The following MRC2 variants were observed in gnomAD, a reference collection of about 807,000 sequenced individuals.
The protein encoded by MRC2 is mannose receptor C-type 2, also known as C-type mannose receptor 2.
In MRC2, 84 loss-of-function variants were observed where a neutral mutation model predicts 206.2. The ratio of observed to expected loss-of-function variants is 0.41; its 90% CI spans 0.34 to 0.49. MRC2 has a LOEUF of 0.49. Ranked by LOEUF, MRC2 falls within the 20% of genes least tolerant of loss-of-function variation. MRC2 has a pLI of 0.31. For synonymous variants in MRC2, 798 were observed against 800.0 expected (o/e 1.00, Z 0.04); for missense variants, 1,676 against 2,001.5 (o/e 0.84, Z 3.10).
intron 1 of MRC2, among the ~76,000 whole-genome samples, chr17:62,649,898 T>C (rs1161932412): frequency 2.0e-5 from 3 of 151,700 alleles, no homozygotes; most frequent in Middle Eastern, 3.4e-3. Flanking sequence ...TTTTTTTTAA[T>C]TTTTTTTAAA....
intron 1 of MRC2, among the ~76,000 whole-genome samples, chr17:62,655,090 C>G (rs1273712642): frequency 6.6e-6 from 1 of 152,178 alleles, no homozygotes; most frequent in Non-Finnish European, 1.5e-5. Context: ...TCGAGACCAT[C>G]CTGGCTAATG....
chr17:62,690,945 G>T lies in MRC2; in HGVS notation c.4013-4G>T. 6.3e-7 allele frequency: 1 copy of T among 1,594,020 alleles called. No individual in the cohort carries two copies. The highest frequency in any genetic ancestry group is 1.1e-5 in the South Asian group (1 of 88,358). On this transcript the variant is annotated splice_polypyrimidine_tract_variant and splice_region_variant and intron_variant, in intron 27 of 29. Coordinates refer to ENST00000303375, the MANE Select transcript of MRC2 (RefSeq NM_006039.5). ...CTGCTCCCTCAGTGCCTTCTTTCCTGCAGGAGGCACTCTGGTCTGGCAGGA... is the reference window on the plus strand; with the variant it reads ...CTGCTCCCTCAGTGCCTTCTTTCCTTCAGGAGGCACTCTGGTCTGGCAGGA...
rs1396388861 is a variant in MRC2 at position 62,667,352 on chromosome 17, C to A, written c.974-38C>A. ...GCCCCGGGAGCCACGGTGTGAGCTTCTCTCTCCGGGGGTGCTGGCGCCCTG... is the reference window on the plus strand; with the variant it reads ...GCCCCGGGAGCCACGGTGTGAGCTTATCTCTCCGGGGGTGCTGGCGCCCTG... On this transcript the variant is annotated intron_variant, in intron 5 of 29. Coordinates refer to ENST00000303375, the MANE Select transcript of MRC2 (RefSeq NM_006039.5). The surrounding 1 kb of genome is among the most constrained non-coding windows in gnomAD (Gnocchi z 4.1). 2 of 1,552,744 alleles carry A rather than the reference C, an allele frequency of 1.3e-6. No individual in the cohort carries two copies. Among genetic ancestry groups the A allele is most frequent in the East Asian group, 4.7e-5 (2 of 42,980 alleles).
Position 62,658,721 on chromosome 17 carries a change from C to T in MRC2, c.119-5827C>T, listed in dbSNP as rs192432887. Among the ~76,000 whole-genome samples the T allele has an allele frequency of 2.0e-4, 31 of 152,328 alleles. No homozygotes were observed. The East Asian group carries it at 3.1e-3, about 15-fold the overall frequency. ...GAAGTTTTGGGCTTCGTTTTCCAGT[C>T]GTATCTCTGAGAAACATCTACAAAA... On this transcript the variant is annotated intron_variant, in intron 1 of 29. Coordinates refer to ENST00000303375, the MANE Select transcript of MRC2 (RefSeq NM_006039.5).
rs192298362 is a variant in MRC2, at chr17:62,690,449, G to T, written c.3892+144G>T. On this transcript the variant is annotated intron_variant, in intron 26 of 29. Coordinates refer to ENST00000303375, the MANE Select transcript of MRC2 (RefSeq NM_006039.5). ...ATGCCCTCGTGCTCTCACATGTGGA[G>T]ACCATACATGACACTATATGTGCAT... 1.5e-4 allele frequency: 194 copies of T among 1,331,244 alleles called. 1 individual carries two copies. The East Asian group carries it at 4.4e-3, about 30-fold the overall frequency. The allele number at this position is 1,331,244 out of a possible 1,614,324, so 82.5% of individuals were successfully genotyped here. A position where few individuals can be genotyped will look rare whatever the true frequency, so the allele number is the denominator to read the frequency against.
At chr17:62,661,623 A>T (rs1439589022) in intron 1 of MRC2, 1 of 143,068 alleles carries the variant, frequency 7.0e-6, no homozygotes, top group Non-Finnish European at 1.5e-5. Flanking sequence ...CTTCTTTCTT[A>T]AGACTAGTAA....
chr17:62,667,008 G>A lies in MRC2; in HGVS notation c.973+138G>A. ...GCACCGACCTCCACCCCCCTCCCCA[G>A]ACTGCGCCCCCCTAGCCCATGTAGG... On this transcript the variant is annotated intron_variant, in intron 5 of 29. Transcript: ENST00000303375. This position sits in a 1 kb window ranked among gnomAD's most constrained non-coding sequence, Gnocchi z 4.1. The A allele has an allele frequency of 1.4e-6, 1 of 718,380 alleles. No individual in the cohort carries two copies. 44.5% of individuals were successfully genotyped at this position (718,380 alleles called of 1,614,324 possible). A position where few individuals can be genotyped will look rare whatever the true frequency, so the allele number is the denominator to read the frequency against.
chr17:62,647,593 C>T (rs1033650293), intron 1 of MRC2, among the ~76,000 whole-genome samples: 1 of 152,096 alleles, frequency 6.6e-6, no homozygotes, highest in African/African-American at 2.4e-5. Flanking sequence ...AATATATTTC[C>T]ATTTACTTAG....
rs1447696695 is a variant in MRC2 at position 62,639,689 on chromosome 17, AT to A, written c.118+11770del. Among the ~76,000 whole-genome samples the A allele has an allele frequency of 1.1e-4, 16 of 152,310 alleles. No individual in the cohort carries two copies. In the East Asian group the frequency reaches 3.1e-3, roughly 29 times the overall value. ...GCCCGGGCTGGAGTGCAGTGGCACA[AT>A]CATAGTTCACTACAGCCTCAAACTC... On this transcript the variant is annotated intron_variant, in intron 1 of 29. Coordinates refer to ENST00000303375, the MANE Select transcript of MRC2 (RefSeq NM_006039.5).
At chr17:62,681,178 A>T (rs753128538) in intron 18 of MRC2, 49 bp downstream of exon 18, 1 of 1,592,510 alleles carries the variant, frequency 6.3e-7, no homozygotes, top group Middle Eastern at 1.7e-4. Flanking sequence ...GGCTGTCCAC[A>T]CACGGAGCAC....
At chr17:62,656,429 C>T (rs866201172) in intron 1 of MRC2, among the ~76,000 whole-genome samples, 5 of 152,214 alleles carry the variant, frequency 3.3e-5, no homozygotes, top group East Asian at 3.9e-4. Flanking sequence ...TGGGCTCAAA[C>T]GATCTTCCCA....
At chr17:62,689,787 G>A in intron 24 of MRC2, 27 bp downstream of exon 24, 1 of 1,533,042 alleles carries the variant, frequency 6.5e-7, no homozygotes. Context: ...TTTGCCCTGG[G>A]CCCCAGCCTT....
intron 1 of MRC2, among the ~76,000 whole-genome samples, chr17:62,635,191 C>CTTTTTTTTT (rs35446845): frequency 5.9e-5 from 6 of 101,734 alleles, no homozygotes; most frequent in African/African-American, 1.5e-4. Flanking sequence ...CTATTTTTCT[C>CTTTTTTTTT]TTTTTTTTTT....
intron 12 of MRC2, among the ~76,000 whole-genome samples, chr17:62,677,704 C>CT (rs1287014215): frequency 1.3e-5 from 2 of 152,126 alleles, no homozygotes; most frequent in Non-Finnish European, 2.9e-5. Flanking sequence ...CAGAGGTTCC[C>CT]AAATGTTGGG....
Position 62,676,488 on chromosome 17 carries a change from T to C in MRC2, c.1791T>C (p.Ser597=). ...GCACCGGCTCCTTCTTCTGGCTCAGTGGGGATGAAGTCATGTACACCCACT... is the reference window on the plus strand; with the variant it reads ...GCACCGGCTCCTTCTTCTGGCTCAGCGGGGATGAAGTCATGTACACCCACT... The part of the protein sequence containing the change: ...LNSTGSFFWL[S]GDEVMYTHWN... The change falls in exon 11 of 30, where the codon AGT becomes AGC. Residue 597 remains serine, a synonymous_variant. Transcript: ENST00000303375. 1 of 1,612,520 alleles carries C rather than the reference T, an allele frequency of 6.2e-7. No homozygotes were observed. The highest frequency in any genetic ancestry group is 8.5e-7 in the Non-Finnish European group (1 of 1,179,282).
In MRC2 at chr17:62,652,139, C is replaced by T. The variant is rs369184637; in HGVS notation, c.119-12409C>T. On this transcript the variant is annotated intron_variant, in intron 1 of 29. Coordinates refer to ENST00000303375, the MANE Select transcript of MRC2 (RefSeq NM_006039.5). The surrounding 1 kb of genome is among the most constrained non-coding windows in gnomAD (Gnocchi z 4.6). ...CCCCACCCCACACACCTTGTAGACACTTTGTCAAAACTACATTTTAAAAAA... is the reference window on the plus strand; with the variant it reads ...CCCCACCCCACACACCTTGTAGACATTTTGTCAAAACTACATTTTAAAAAA... Among the ~76,000 whole-genome samples the T allele has an allele frequency of 1.3e-5, 2 of 152,236 alleles. No homozygotes were observed. The highest frequency in any genetic ancestry group is 6.5e-5 in the Admixed American group (1 of 15,282).
At chr17:62,660,175 A>G (rs767465058) in intron 1 of MRC2, among the ~76,000 whole-genome samples, 2 of 152,188 alleles carry the variant, frequency 1.3e-5, no homozygotes, top group Non-Finnish European at 2.9e-5. Context: ...GAGAGGAAAA[A>G]ATCCTTGAAA....
intron 13 of MRC2, 152 bp downstream of exon 13, chr17:62,678,798 C>T: frequency 8.9e-7 from 1 of 1,124,282 alleles, no homozygotes; most frequent in Non-Finnish European, 1.2e-6. Flanking sequence ...GGTGCCAGGA[C>T]CATCTTGTCC....
chr17:62,670,031 C>G (rs2088808126), intron 6 of MRC2, among the ~76,000 whole-genome samples: 1 of 152,202 alleles, frequency 6.6e-6, no homozygotes, highest in Non-Finnish European at 1.5e-5. Flanking sequence ...GCTGGGAGGC[C>G]CGGGTGTGGG....
Sources: allele counts gnomAD v4.1 joint callset (sites outside exome capture counted in the v4.1 genomes callset), GRCh38; gene constraint gnomAD v4.1.1; non-coding constraint Gnocchi (gnomAD v3.1); transcripts MANE v1.5; gene names NCBI Gene and HGNC (gene_info 2026-07-23, HGNC 2026-07-21).